The following ATXN1 variants were observed in gnomAD, a reference collection of about 807,000 sequenced individuals.
ATXN1 encodes ataxin 1.
Under a neutral mutation model 56.4 loss-of-function variants are expected in ATXN1, and 8 were observed. The observed-to-expected ratio is 0.14, with a 90% CI of 0.08 to 0.26. The LOEUF (loss-of-function observed/expected upper bound fraction) is 0.26, where lower values mean the gene tolerates loss of function less well. Ranked by LOEUF, ATXN1 falls within the 10% of genes least tolerant of loss-of-function variation. The probability of loss-of-function intolerance (pLI) is 1.00; values close to 1 mark genes in which losing one functional copy is unlikely to be tolerated. For missense variants in ATXN1, 987 were observed against 1,106.5 expected (o/e 0.89, Z 1.53); for synonymous variants, 514 against 494.6 (o/e 1.04, Z -0.52).
intron 3 of ATXN1, among the ~76,000 whole-genome samples, chr6:16,635,840 A>T (rs920137939): frequency 1.5e-4 from 23 of 150,680 alleles, no homozygotes; most frequent in African/African-American, 4.6e-4. Flanking sequence ...GAGGCAGGCA[A>T]CCCCGCACAG....
At chr6:16,474,864 A>ACACT (rs1554108897) in intron 6 of ATXN1, among the ~76,000 whole-genome samples, 4,285 of 148,972 alleles carry the variant, frequency 0.029, 76 homozygotes, top group South Asian at 0.072. Flanking sequence ...ACACACACAC[A>ACACT]CTCTCTCTCT....
At chr6:16,440,780 G>C (rs528533384) in intron 6 of ATXN1, among the ~76,000 whole-genome samples, 8 of 152,062 alleles carry the variant, frequency 5.3e-5, no homozygotes, top group Non-Finnish European at 1.0e-4. Flanking sequence ...CAATAGCAAT[G>C]ATAACAACAA....
intron 6 of ATXN1, among the ~76,000 whole-genome samples, chr6:16,337,620 C>T (rs1205466027): frequency 1.3e-5 from 2 of 152,230 alleles, no homozygotes; most frequent in African/African-American, 2.4e-5. Flanking sequence ...TCTGTCAAGA[C>T]CTTTCCTGAT....
chr6:16,740,015 T>C (rs979675660), intron 2 of ATXN1: 2 of 385,420 alleles, frequency 5.2e-6, no homozygotes, highest in African/African-American at 2.1e-5. Context: ...TGTAAAGAGA[T>C]TGAGGAGGGC....
chr6:16,705,656 A>G (rs1759391530), intron 2 of ATXN1, among the ~76,000 whole-genome samples: 1 of 151,934 alleles, frequency 6.6e-6, no homozygotes, highest in Non-Finnish European at 1.5e-5. Context: ...CCATTCTGTC[A>G]CTTCCATTGC....
At chr6:16,560,128 C>T (rs1285268759) in intron 4 of ATXN1, among the ~76,000 whole-genome samples, 1 of 152,074 alleles carries the variant, frequency 6.6e-6, no homozygotes, top group African/African-American at 2.4e-5. Context: ...AGAAAAAGAC[C>T]AATTTTACTT....
chr6:16,573,680 C>G (rs1478010593), intron 4 of ATXN1, among the ~76,000 whole-genome samples: 1 of 152,216 alleles, frequency 6.6e-6, no homozygotes, highest in Non-Finnish European at 1.5e-5. Context: ...CTGTCAAATT[C>G]TCTTTCATAC....
At chr6:16,580,807 T>G (rs776343879) in intron 4 of ATXN1, among the ~76,000 whole-genome samples, 1 of 152,146 alleles carries the variant, frequency 6.6e-6, no homozygotes, top group Non-Finnish European at 1.5e-5. Context: ...ATTTTTTCGC[T>G]TTTCCTAAAA....
At chr6:16,747,625 G>A (rs1760577642) in intron 2 of ATXN1, among the ~76,000 whole-genome samples, 1 of 151,678 alleles carries the variant, frequency 6.6e-6, no homozygotes, top group Admixed American at 6.6e-5. Context: ...CGATTTCCGT[G>A]GGTCTGTAAA....
chr6:16,427,259 C>T (rs1056930029), intron 6 of ATXN1, among the ~76,000 whole-genome samples: 1 of 152,180 alleles, frequency 6.6e-6, no homozygotes, highest in Non-Finnish European at 1.5e-5. Flanking sequence ...TGGGGGCTGT[C>T]CTGTGTGTTG....
chr6:16,554,334 T>G (rs1761973012), intron 4 of ATXN1, among the ~76,000 whole-genome samples: 1 of 152,206 alleles, frequency 6.6e-6, no homozygotes, highest in South Asian at 2.1e-4. Context: ...TTGTGGAAAA[T>G]ATGGAAGAAA....
At chr6:16,552,798 A>G (rs1020708521) in intron 4 of ATXN1, among the ~76,000 whole-genome samples, 1 of 152,198 alleles carries the variant, frequency 6.6e-6, no homozygotes, top group Non-Finnish European at 1.5e-5. Flanking sequence ...GTCCATGTCA[A>G]TGATGTTCAG....
chr6:16,489,015 T>C (rs1050303203), intron 5 of ATXN1, among the ~76,000 whole-genome samples: 21 of 152,132 alleles, frequency 1.4e-4, no homozygotes, highest in African/African-American at 4.6e-4. Flanking sequence ...ACAATGCCAA[T>C]TTCTCCTTCC....
intron 7 of ATXN1, among the ~76,000 whole-genome samples, chr6:16,308,162 C>T (rs1201653459): frequency 1.3e-5 from 2 of 152,050 alleles, no homozygotes. Flanking sequence ...CCTGTCCCTA[C>T]TAAAAATACA....
intron 6 of ATXN1, among the ~76,000 whole-genome samples, chr6:16,331,389 A>G (rs1760988321): frequency 1.3e-5 from 2 of 152,196 alleles, no homozygotes; most frequent in South Asian, 4.1e-4. Context: ...TTTTATCTTT[A>G]AATTTCAAGA....
At chr6:16,452,344 T>A (rs532697366) in intron 6 of ATXN1, among the ~76,000 whole-genome samples, 1 of 152,236 alleles carries the variant, frequency 6.6e-6, no homozygotes, top group African/African-American at 2.4e-5. Flanking sequence ...TCAGAATTCA[T>A]AACTAGTAAT....
Position 16,374,138 on chromosome 6 carries a change from C to CAAAA in ATXN1, c.-160-45672_-160-45669dup, listed in dbSNP as rs376857810. Among the ~76,000 whole-genome samples, 13 of 85,398 alleles carry CAAAA rather than the reference C, an allele frequency of 1.5e-4. No individual in the cohort carries two copies. The East Asian group carries it at 2.2e-3, about 15-fold the overall frequency. The allele number at this position is 85,398 out of a possible 152,430, so 56.0% of individuals were successfully genotyped here. A position where few individuals can be genotyped will look rare whatever the true frequency, so the allele number is the denominator to read the frequency against. ...ATACCAGAAGCTTTTAGGATATGAG[C>CAAAA]AAAAAAAAAAAAAAAAAAGACATAG... On this transcript the variant is annotated intron_variant, in intron 6 of 7. Transcript: ENST00000436367.
chr6:16,669,875 T>C (rs1581349281), intron 2 of ATXN1, among the ~76,000 whole-genome samples: 1 of 152,068 alleles, frequency 6.6e-6, no homozygotes, highest in East Asian at 1.9e-4. Flanking sequence ...CTAGAATAAC[T>C]CTTGTTGCCT....
intron 3 of ATXN1, among the ~76,000 whole-genome samples, chr6:16,629,256 G>A (rs1414223433): frequency 2.0e-5 from 3 of 151,972 alleles, no homozygotes; most frequent in Non-Finnish European, 4.4e-5. Context: ...TATTCTTATT[G>A]GCCATATGTC....
Sources: allele counts gnomAD v4.1 joint callset (sites outside exome capture counted in the v4.1 genomes callset), GRCh38; gene constraint gnomAD v4.1.1; transcripts MANE v1.5; gene names NCBI Gene and HGNC (gene_info 2026-07-23, HGNC 2026-07-21).